The following EVI5 variants were observed in gnomAD, a reference collection of about 807,000 sequenced individuals.
The protein encoded by EVI5 is ecotropic viral integration site 5.
Under a neutral mutation model 112.0 loss-of-function variants are expected in EVI5, and 73 were observed. The observed-to-expected ratio is 0.65, with a 90% CI of 0.54 to 0.79. EVI5 has a LOEUF of 0.79. Among genes scored for constraint, EVI5 ranks in the 30% least tolerant of loss-of-function variants. The pLI is 0.00. For synonymous variants in EVI5, 305 were observed against 319.9 expected (o/e 0.95, Z 0.50); for missense variants, 900 against 968.8 (o/e 0.93, Z 0.94).
At chr1:92,635,155 G>C (rs764233870) in intron 14 of EVI5, among the ~76,000 whole-genome samples, 7 of 152,306 alleles carry the variant, frequency 4.6e-5, no homozygotes, top group African/African-American at 1.7e-4. Flanking sequence ...GCAGTCTGTC[G>C]GTTCTCAGAT....
At position 92,512,442 on chromosome 1, in the gene EVI5, T is replaced by C. The variant is rs201436940; in HGVS notation, c.*1214A>G. 3.9e-5 allele frequency: 6 copies of C among 152,364 alleles called. No homozygotes were observed. The highest frequency in any genetic ancestry group is 6.5e-5 in the Admixed American group (1 of 15,306). 9.4% of individuals were successfully genotyped at this position (152,364 alleles called of 1,614,324 possible). ...GGCATCAGTTATGAATCTGCTAGTA[T>C]TGAATGCTAAGCAAAATACTAAAGC... On this transcript the variant is annotated 3_prime_UTR_variant, in exon 20 of 20. Coordinates refer to ENST00000684568, the MANE Select transcript of EVI5 (RefSeq NM_001350197.2).
intron 19 of EVI5, among the ~76,000 whole-genome samples, chr1:92,543,903 A>G (rs1365085635): frequency 1.3e-5 from 2 of 152,258 alleles, no homozygotes; most frequent in Non-Finnish European, 1.5e-5. Context: ...ACAGTAGGAT[A>G]TAACAACCAT....
At chr1:92,704,912 T>C (rs1020237249) in intron 2 of EVI5, among the ~76,000 whole-genome samples, 168 bp from the exon 3 acceptor site, 1 of 152,202 alleles carries the variant, frequency 6.6e-6, no homozygotes, top group Non-Finnish European at 1.5e-5. Flanking sequence ...AAATTACTGC[T>C]ATATTTTTTT....
chr1:92,703,223 A>G (rs545318600), intron 4 of EVI5, among the ~76,000 whole-genome samples, 172 bp downstream of exon 4: 11 of 152,124 alleles, frequency 7.2e-5, no homozygotes, highest in Admixed American at 2.0e-4. Flanking sequence ...CAAGTTCTCT[A>G]TACTAGATAG....
intron 2 of EVI5, among the ~76,000 whole-genome samples, chr1:92,712,113 A>C (rs1672934939): frequency 6.6e-6 from 1 of 152,220 alleles, no homozygotes. Flanking sequence ...CATGAATTTT[A>C]GAGGGTAACA....
intron 9 of EVI5, among the ~76,000 whole-genome samples, chr1:92,679,020 T>C (rs2102335556): frequency 1.3e-5 from 2 of 152,292 alleles, no homozygotes; most frequent in Non-Finnish European, 2.9e-5. Context: ...TGTGGCCTGT[T>C]AGGAACTGGG....
intron 10 of EVI5, among the ~76,000 whole-genome samples, chr1:92,674,729 C>T (rs892872153): frequency 1.3e-5 from 2 of 150,982 alleles, no homozygotes; most frequent in Non-Finnish European, 3.0e-5. Flanking sequence ...TCAGACACCC[C>T]TAAATATGAA....
intron 19 of EVI5, among the ~76,000 whole-genome samples, chr1:92,517,406 C>T (rs1319110238): frequency 6.6e-6 from 1 of 152,114 alleles, no homozygotes; most frequent in Non-Finnish European, 1.5e-5. Flanking sequence ...AAACCAATCC[C>T]CCATAGATAC....
At chr1:92,655,530 C>T (rs1426240562) in intron 13 of EVI5, among the ~76,000 whole-genome samples, 2 of 151,964 alleles carry the variant, frequency 1.3e-5, no homozygotes, top group African/African-American at 4.8e-5. Context: ...TAAAAACAGA[C>T]AAAAGTATAA....
chr1:92,525,285 T>TTTTTTTTTTTTTTTTTTA (rs1386974706), intron 19 of EVI5, among the ~76,000 whole-genome samples: 1 of 148,700 alleles, frequency 6.7e-6, no homozygotes, highest in African/African-American at 2.5e-5. Flanking sequence ...TTTTTTTTTT[T>TTTTTTTTTTTTTTTTTTA]TTGAGACAGA....
intron 2 of EVI5, among the ~76,000 whole-genome samples, chr1:92,713,747 A>G (rs978219345): frequency 1.3e-5 from 2 of 152,212 alleles, no homozygotes; most frequent in African/African-American, 4.8e-5. Flanking sequence ...ACTGCACTCC[A>G]GCCTGGCCGA....
intron 10 of EVI5, among the ~76,000 whole-genome samples, chr1:92,673,274 T>C (rs2102283461): frequency 6.6e-6 from 1 of 150,980 alleles, no homozygotes; most frequent in Non-Finnish European, 1.5e-5. Context: ...ATCTGAAATG[T>C]ACCATAGTTT....
intron 16 of EVI5, among the ~76,000 whole-genome samples, chr1:92,622,881 CCTAT>C (rs1305523028): frequency 2.4e-4 from 36 of 152,306 alleles, no homozygotes; most frequent in South Asian, 4.1e-4. Context: ...CGTAGCAATT[CCTAT>C]CTAACTCTCT....
chr1:92,567,362 T>C (rs1386486855), intron 18 of EVI5, among the ~76,000 whole-genome samples: 7 of 152,186 alleles, frequency 4.6e-5, no homozygotes, highest in Admixed American at 4.6e-4. Flanking sequence ...GTTTATAAAG[T>C]CTACAGTAGT....
chr1:92,615,777 A>G (rs914188802), intron 16 of EVI5, among the ~76,000 whole-genome samples: 7 of 152,092 alleles, frequency 4.6e-5, no homozygotes, highest in Non-Finnish European at 7.4e-5. Context: ...CTAGACCTAT[A>G]ACTAAGTTAA....
At chr1:92,606,886 TCA>T (rs559617956) in intron 17 of EVI5, among the ~76,000 whole-genome samples, 64 of 66,314 alleles carry the variant, frequency 9.7e-4, no homozygotes, top group South Asian at 1.9e-3. Flanking sequence ...TTTAGTTATT[TCA>T]CACACACACA....
At chr1:92,592,483 G>A (rs574701281) in intron 18 of EVI5, among the ~76,000 whole-genome samples, 2 of 152,112 alleles carry the variant, frequency 1.3e-5, no homozygotes, top group Non-Finnish European at 2.9e-5. Flanking sequence ...ATCTAAAATT[G>A]ACACCCTAAC....
intron 2 of EVI5, among the ~76,000 whole-genome samples, chr1:92,710,364 G>A (rs1012088599): frequency 9.2e-5 from 14 of 151,746 alleles, no homozygotes; most frequent in African/African-American, 2.9e-4. Context: ...AAAGCAGGGG[G>A]GATGGTGGGG....
chr1:92,606,919 CACA>C, intron 17 of EVI5, among the ~76,000 whole-genome samples: 1 of 100,818 alleles, frequency 9.9e-6, no homozygotes, highest in Non-Finnish European at 2.1e-5. Flanking sequence ...CACACACACA[CACA>C]CCCCCCCAAA....
Sources: allele counts gnomAD v4.1 joint callset (sites outside exome capture counted in the v4.1 genomes callset), GRCh38; gene constraint gnomAD v4.1.1; transcripts MANE v1.5; gene names NCBI Gene and HGNC (gene_info 2026-07-23, HGNC 2026-07-21).